Variants in ARIH1 observed in about 807,000 individuals in gnomAD.
ARIH1 encodes the protein ariadne RBR E3 ubiquitin protein ligase 1, also known as E3 ubiquitin-protein ligase ARIH1.
Under a neutral mutation model 85.0 loss-of-function variants are expected in ARIH1, and 8 were observed. That is an observed-to-expected ratio of 0.09 (90% CI 0.06 to 0.17). The LOEUF (loss-of-function observed/expected upper bound fraction) is 0.17, where lower values mean the gene tolerates loss of function less well. ARIH1 is among the 10% of genes least tolerant of loss of function. ARIH1 has a pLI of 1.00. For missense variants in ARIH1, 311 were observed against 718.1 expected, an observed-to-expected ratio of 0.43 and a Z score of 6.48; for synonymous variants, 238 against 253.6, an observed-to-expected ratio of 0.94 and a Z score of 0.59.
At chr15:72,484,527 C>T (rs2063829283) in intron 1 of ARIH1, among the ~76,000 whole-genome samples, 1 of 151,770 alleles carries the variant, frequency 6.6e-6, no homozygotes, top group African/African-American at 2.4e-5. Flanking sequence ...GTTTGGTTTT[C>T]TGTTCTTGAT....
intron 5 of ARIH1, among the ~76,000 whole-genome samples, chr15:72,559,350 A>C (rs1251205653): frequency 1.3e-5 from 2 of 151,868 alleles, no homozygotes; most frequent in African/African-American, 2.4e-5. Flanking sequence ...GCTCACTGCA[A>C]CCTCTACCTC....
intron 1 of ARIH1, among the ~76,000 whole-genome samples, chr15:72,509,619 T>C (rs903101033): frequency 5.3e-5 from 8 of 152,128 alleles, no homozygotes; most frequent in African/African-American, 1.9e-4. Flanking sequence ...GACAGGGTCT[T>C]ACTCTTTCGC....
At chr15:72,573,741 C>A (rs2064258374) in intron 11 of ARIH1, among the ~76,000 whole-genome samples, 1 of 151,876 alleles carries the variant, frequency 6.6e-6, no homozygotes, top group Admixed American at 6.6e-5. Context: ...GCTATAAATT[C>A]TTGTGCTCTT....
In ARIH1 at chr15:72,582,018, A is replaced by G. The variant is rs2064297141; in HGVS notation, c.1477-57A>G. On this transcript the variant is annotated intron_variant, in intron 12 of 13. Transcript: ENST00000379887. This position sits in a 1 kb window ranked among gnomAD's most constrained non-coding sequence, Gnocchi z 4.6. ...GTCTGTAGTCAACAAAACAGTGAAAATGGTTTATCTTTTAGCTTTATTTTG... is the reference window on the plus strand; with the variant it reads ...GTCTGTAGTCAACAAAACAGTGAAAGTGGTTTATCTTTTAGCTTTATTTTG... 2.4e-6 allele frequency: 3 copies of G among 1,227,124 alleles called. No homozygotes were observed. Among genetic ancestry groups the G allele is most frequent in the African/African-American group, 3.0e-5 (2 of 66,578 alleles). The allele number at this position is 1,227,124 out of a possible 1,614,324, so 76.0% of individuals were successfully genotyped here. A position where few individuals can be genotyped will look rare whatever the true frequency, so the allele number is the denominator to read the frequency against.
intron 11 of ARIH1, among the ~76,000 whole-genome samples, chr15:72,572,891 C>G (rs921878851): frequency 6.6e-6 from 1 of 152,054 alleles, no homozygotes; most frequent in Non-Finnish European, 1.5e-5. Context: ...TGAGAAATTC[C>G]CTATTGCTAG....
intron 2 of ARIH1, among the ~76,000 whole-genome samples, chr15:72,543,434 TTGTA>T (rs1275938201): frequency 6.6e-6 from 1 of 152,182 alleles, no homozygotes; most frequent in Admixed American, 6.5e-5. Context: ...AATTTTCTAT[TTGTA>T]TGAGTTCCTG....
chr15:72,530,028 G>A (rs1458645765), intron 2 of ARIH1, among the ~76,000 whole-genome samples: 1 of 152,106 alleles, frequency 6.6e-6, no homozygotes, highest in African/African-American at 2.4e-5. Context: ...CAGGTAAAAG[G>A]AAAATATTGT....
chr15:72,545,699 C>T (rs2064125916), intron 3 of ARIH1, among the ~76,000 whole-genome samples: 1 of 152,198 alleles, frequency 6.6e-6, no homozygotes, highest in African/African-American at 2.4e-5. Flanking sequence ...CATGATGGTG[C>T]ATGTCTATAA....
intron 2 of ARIH1, among the ~76,000 whole-genome samples, chr15:72,538,630 G>C (rs2064093283): frequency 6.6e-6 from 1 of 152,158 alleles, no homozygotes; most frequent in East Asian, 1.9e-4. Flanking sequence ...TCCTCAACCA[G>C]ACATAAGAGC....
intron 1 of ARIH1, among the ~76,000 whole-genome samples, chr15:72,498,664 C>T (rs895099205): frequency 6.6e-6 from 1 of 151,902 alleles, no homozygotes; most frequent in African/African-American, 2.4e-5. Flanking sequence ...ACCAACATGG[C>T]GAAACCCCGT....
At chr15:72,526,824 A>G (rs1370952400) in intron 2 of ARIH1, among the ~76,000 whole-genome samples, 1 of 150,078 alleles carries the variant, frequency 6.7e-6, no homozygotes, top group East Asian at 1.9e-4. Context: ...GCAGTTTTCC[A>G]GACCACTGTC....
chr15:72,548,203 C>T (rs2064137793), intron 3 of ARIH1, among the ~76,000 whole-genome samples: 1 of 152,102 alleles, frequency 6.6e-6, no homozygotes, highest in African/African-American at 2.4e-5. Flanking sequence ...TGGAGGGATA[C>T]CTAACCCAGT....
intron 11 of ARIH1, 168 bp from the exon 12 acceptor site, chr15:72,580,563 A>T: frequency 9.4e-6 from 6 of 636,024 alleles, no homozygotes; most frequent in South Asian, 2.1e-5. Context: ...GTGTATCAAG[A>T]GTCTCCTTCT....
At position 72,478,115 on chromosome 15, in the gene ARIH1, TTTG is replaced by T. The variant is rs1481519556; in HGVS notation, c.375+3104_375+3106del. On this transcript the variant is annotated intron_variant, in intron 1 of 13. Transcript: ENST00000379887. ...GCCACCATGCCTGGCCAGGGTGTTT[TTTG>T]TTATTTGTTTATTTTGAGACAGAGT... Among the ~76,000 whole-genome samples, 6 of 147,654 alleles carry T rather than the reference TTTG, an allele frequency of 4.1e-5. No individual in the cohort carries two copies. In the East Asian group the frequency reaches 1.0e-3, roughly 25 times the overall value.
intron 12 of ARIH1, 125 bp downstream of exon 12, chr15:72,581,116 T>A (rs1477791127): frequency 6.1e-5 from 62 of 1,014,700 alleles, no homozygotes; most frequent in Non-Finnish European, 8.5e-5. Context: ...GACGAATGTA[T>A]TTATTACAAA....
chr15:72,539,821 A>G (rs577901525), intron 2 of ARIH1, among the ~76,000 whole-genome samples: 8 of 152,360 alleles, frequency 5.3e-5, no homozygotes, highest in African/African-American at 1.7e-4. Flanking sequence ...CACTATCTCT[A>G]TATGAATATT....
intron 3 of ARIH1, among the ~76,000 whole-genome samples, chr15:72,548,951 T>C (rs2064141186): frequency 6.6e-6 from 1 of 152,224 alleles, no homozygotes; most frequent in Non-Finnish European, 1.5e-5. Flanking sequence ...TTCAAAACAA[T>C]GTCCTGAGAC....
chr15:72,554,727 G>T (rs1356264675), intron 3 of ARIH1, among the ~76,000 whole-genome samples: 1 of 152,004 alleles, frequency 6.6e-6, no homozygotes, highest in Non-Finnish European at 1.5e-5. Flanking sequence ...TGAGGGTGAA[G>T]TGGTGTCTTA....
Position 72,587,039 on chromosome 15 carries a change from A to G in ARIH1, c.*3747A>G. ...CTGGCCAAGTCCAGGTTTTAGGACA[A>G]TTTAATTTACTCTTATTTGGATCTG... On this transcript the variant is annotated 3_prime_UTR_variant, in exon 14 of 14. Transcript: ENST00000379887. 2.7e-6 allele frequency: 1 copy of G among 371,044 alleles called. No homozygotes were observed. Among genetic ancestry groups the G allele is most frequent in the Non-Finnish European group, 5.2e-6 (1 of 192,076 alleles). The allele number at this position is 371,044 out of a possible 1,614,324, so 23.0% of individuals were successfully genotyped here. A position where few individuals can be genotyped will look rare whatever the true frequency, so the allele number is the denominator to read the frequency against.
Sources: gnomAD v4.1 joint callset for allele counts (sites outside exome capture counted in the v4.1 genomes callset) on GRCh38, gnomAD v4.1.1 for gene constraint, Gnocchi (gnomAD v3.1) non-coding constraint, MANE v1.5 for transcripts, NCBI Gene and HGNC (gene_info 2026-07-23, HGNC 2026-07-21) for gene names.